The following BMP6 variants were observed in gnomAD, a reference collection of about 807,000 sequenced individuals.
The protein encoded by BMP6 is bone morphogenetic protein 6.
BMP6 carries 17 observed loss-of-function variants against 54.1 expected under a neutral mutation model. The observed-to-expected ratio is 0.31, with a 90% confidence interval of 0.22 to 0.47. The LOEUF is 0.47. Ranked by LOEUF, BMP6 falls within the 20% of genes least tolerant of loss-of-function variation. The pLI is 1.00. For missense variants in BMP6, 720 were observed against 690.4 expected (o/e 1.04, Z -0.48); for synonymous variants, 328 against 291.2 (o/e 1.13, Z -1.28).
chr6:7,850,769 C>CT (rs1459141284), intron 2 of BMP6, among the ~76,000 whole-genome samples: 1 of 152,144 alleles, frequency 6.6e-6, no homozygotes, highest in Non-Finnish European at 1.5e-5. Context: ...GCAGAATGAG[C>CT]TAAACTACAG....
chr6:7,727,914 T>G (rs1001214440), intron 1 of BMP6, among the ~76,000 whole-genome samples: 1 of 142,370 alleles, frequency 7.0e-6, no homozygotes, highest in Non-Finnish European at 1.6e-5. Context: ...GCGGACTCCC[T>G]GAGCACGTTC....
intron 1 of BMP6, among the ~76,000 whole-genome samples, chr6:7,825,644 C>T (rs1252627371): frequency 1.3e-5 from 2 of 151,220 alleles, no homozygotes; most frequent in Admixed American, 6.6e-5. Flanking sequence ...CACTTGAACC[C>T]GGGAGGCAGA....
intron 1 of BMP6, among the ~76,000 whole-genome samples, chr6:7,763,259 A>G (rs1757640704): frequency 1.3e-5 from 2 of 152,222 alleles, no homozygotes; most frequent in African/African-American, 4.8e-5. Flanking sequence ...CAAAGAAATG[A>G]AAGCACAACA....
intron 2 of BMP6, among the ~76,000 whole-genome samples, chr6:7,851,154 C>T (rs1211408124): frequency 1.3e-5 from 2 of 152,082 alleles, no homozygotes; most frequent in African/African-American, 4.8e-5. Flanking sequence ...AAAATAAAAA[C>T]AAACTTGCTG....
intron 2 of BMP6, among the ~76,000 whole-genome samples, chr6:7,861,093 A>T (rs1037703848): frequency 3.3e-5 from 5 of 152,312 alleles, no homozygotes; most frequent in African/African-American, 9.6e-5. Flanking sequence ...TCAAAAAAAA[A>T]AAAATAAAAA....
rs1012993131 is a variant in BMP6, at chr6:7,881,155, A to G, written c.*812A>G. 1 of 152,300 alleles carries G rather than the reference A, an allele frequency of 6.6e-6. No individual in the cohort carries two copies. Among genetic ancestry groups the G allele is most frequent in the Non-Finnish European group, 1.5e-5 (1 of 68,032 alleles). 9.4% of individuals were successfully genotyped at this position (152,300 alleles called of 1,614,324 possible). On this transcript the variant is annotated 3_prime_UTR_variant, in exon 7 of 7. Coordinates refer to ENST00000283147, the MANE Select transcript of BMP6 (RefSeq NM_001718.6). ...GGACTGCCGGCTCTAGTACCTTTTCAGTAAAGTGGTTCTCTGCCTTTTTAC... is the reference window on the plus strand; with the variant it reads ...GGACTGCCGGCTCTAGTACCTTTTCGGTAAAGTGGTTCTCTGCCTTTTTAC...
intron 4 of BMP6, among the ~76,000 whole-genome samples, chr6:7,873,539 A>G (rs1160371203): frequency 6.6e-6 from 1 of 152,038 alleles, no homozygotes; most frequent in Non-Finnish European, 1.5e-5. Context: ...GCTCTGCACA[A>G]TTGAATCATT....
At position 7,799,187 on chromosome 6, in the gene BMP6, G is replaced by C. The variant is rs1758234934; in HGVS notation, c.665-45953G>C. ...AGAGGAGAGAGCAGCTTGTTCAATG[G>C]AATAACCTCATTTTAAGGCTGGAGT... On this transcript the variant is annotated intron_variant, in intron 1 of 6. Coordinates refer to ENST00000283147, the MANE Select transcript of BMP6 (RefSeq NM_001718.6). Among the ~76,000 whole-genome samples, 2 of 152,144 alleles carry C rather than the reference G, an allele frequency of 1.3e-5. 1 individual carries two copies. The highest frequency in any genetic ancestry group is 4.1e-4 in the South Asian group (2 of 4,828).
intron 4 of BMP6, 79 bp from the exon 5 acceptor site, chr6:7,878,995 T>C (rs1359996740): frequency 7.1e-7 from 1 of 1,403,530 alleles, no homozygotes; most frequent in African/African-American, 1.4e-5. Flanking sequence ...GCCTGGCATG[T>C]GGTAAACTCT....
At chr6:7,809,758 T>G (rs1160412568) in intron 1 of BMP6, among the ~76,000 whole-genome samples, 6 of 152,254 alleles carry the variant, frequency 3.9e-5, no homozygotes, top group Admixed American at 2.0e-4. Flanking sequence ...AGTGCATGAT[T>G]GAGTATGAAT....
chr6:7,848,795 G>A (rs951282139), intron 2 of BMP6, among the ~76,000 whole-genome samples: 3 of 152,102 alleles, frequency 2.0e-5, no homozygotes, highest in Middle Eastern at 3.2e-3. Context: ...GGTATTGCAT[G>A]GTGTTTAAAA....
intron 1 of BMP6, among the ~76,000 whole-genome samples, chr6:7,757,283 C>T (rs545647163): frequency 1.1e-4 from 17 of 152,292 alleles, no homozygotes; most frequent in African/African-American, 4.1e-4. Context: ...AAGTCTGAAA[C>T]CAAGGTGTCA....
chr6:7,805,566 C>CAG (rs1456524893), intron 1 of BMP6, among the ~76,000 whole-genome samples: 8 of 151,652 alleles, frequency 5.3e-5, no homozygotes, highest in African/African-American at 1.9e-4. Context: ...ATAGATGCAG[C>CAG]AGATCCTTTG....
chr6:7,799,395 A>G (rs1432325519), intron 1 of BMP6, among the ~76,000 whole-genome samples: 1 of 152,220 alleles, frequency 6.6e-6, no homozygotes, highest in African/African-American at 2.4e-5. Context: ...ACTTGGATTA[A>G]TTCAGGGAAG....
intron 1 of BMP6, among the ~76,000 whole-genome samples, chr6:7,758,821 C>A (rs995427538): frequency 6.6e-6 from 1 of 152,220 alleles, no homozygotes; most frequent in African/African-American, 2.4e-5. Context: ...CTCACACGCA[C>A]ATGAGGTGCA....
intron 4 of BMP6, among the ~76,000 whole-genome samples, chr6:7,867,769 C>A (rs1282096587): frequency 6.6e-6 from 1 of 152,106 alleles, no homozygotes; most frequent in Non-Finnish European, 1.5e-5. Context: ...AAATAGTGAT[C>A]TAAAAGTTAG....
At chr6:7,834,203 T>A (rs947793695) in intron 1 of BMP6, among the ~76,000 whole-genome samples, 3 of 141,976 alleles carry the variant, frequency 2.1e-5, no homozygotes, top group Non-Finnish European at 3.1e-5. Flanking sequence ...TTTTTTTTTT[T>A]TTAGGAAAAA....
At chr6:7,758,117 C>T (rs1447357220) in intron 1 of BMP6, among the ~76,000 whole-genome samples, 2 of 152,190 alleles carry the variant, frequency 1.3e-5, no homozygotes, top group African/African-American at 4.8e-5. Flanking sequence ...GAAGAATGCC[C>T]CTGCATGGGG....
intron 2 of BMP6, among the ~76,000 whole-genome samples, chr6:7,850,589 C>A (rs1490218573): frequency 2.6e-5 from 4 of 152,092 alleles, no homozygotes; most frequent in African/African-American, 9.7e-5. Context: ...ATATAATTGT[C>A]CCAGGAGAGA....
Sources: allele counts gnomAD v4.1 joint callset (sites outside exome capture counted in the v4.1 genomes callset), GRCh38; gene constraint gnomAD v4.1.1; transcripts MANE v1.5; gene names NCBI Gene and HGNC (gene_info 2026-07-23, HGNC 2026-07-21).